MANBA: variants seen among roughly 807,000 people sequenced by gnomAD.
The protein encoded by MANBA is mannosidase beta.
Under a neutral mutation model 111.1 loss-of-function variants are expected in MANBA, and 83 were observed. The ratio of observed to expected loss-of-function variants is 0.75; its 90% CI spans 0.63 to 0.90. The LOEUF is 0.90. Ranked by LOEUF, MANBA falls within the 40% of genes least tolerant of loss-of-function variation. The pLI is 0.00. For missense variants in MANBA, 1,036 were observed against 1,069.0 expected, an observed-to-expected ratio of 0.97 and a Z score of 0.43; for synonymous variants, 370 against 378.7, an observed-to-expected ratio of 0.98 and a Z score of 0.27.
intron 5 of MANBA, among the ~76,000 whole-genome samples, chr4:102,697,130 G>A (rs1732751606): frequency 6.6e-6 from 1 of 152,080 alleles, no homozygotes; most frequent in Admixed American, 6.6e-5. Flanking sequence ...AAGCTCCAAA[G>A]AAGAAAATTT....
chr4:102,706,145 G>C (rs1009434167), intron 5 of MANBA, among the ~76,000 whole-genome samples: 1 of 152,282 alleles, frequency 6.6e-6, no homozygotes, highest in South Asian at 2.1e-4. Context: ...GGAGGCCCAA[G>C]ATTCATCATG....
intron 9 of MANBA, among the ~76,000 whole-genome samples, chr4:102,669,678 C>T (rs1329564453): frequency 6.6e-6 from 1 of 152,072 alleles, no homozygotes; most frequent in Non-Finnish European, 1.5e-5. Context: ...AACCCGGTCT[C>T]TACTAGAAAT....
chr4:102,701,809 AACTTTGGTGAATCTG>A (rs1244380321), intron 5 of MANBA, among the ~76,000 whole-genome samples: 2 of 151,000 alleles, frequency 1.3e-5, no homozygotes, highest in African/African-American at 4.9e-5. Context: ...CCTTCATTTC[AACTTTGGTGAATCTG>A]ACAATTATGT....
rs141048036 is a variant in MANBA at position 102,696,019 on chromosome 4, G to A, written c.674-5248C>T. Among the ~76,000 whole-genome samples the A allele has an allele frequency of 3.6e-3, 542 of 152,220 alleles. 6 individuals are homozygous for A. Among genetic ancestry groups the A allele is most frequent in the African/African-American group, 0.012 (500 of 41,526 alleles). The stretch of plus-strand genomic sequence containing the variant: ...GAGGCAGGAGGATCTCTTGAGCCCA[G>A]GTGTTTGAGACCAGCCTGGGCTACA... On this transcript the variant is annotated intron_variant, in intron 5 of 16. Coordinates refer to ENST00000647097, the MANE Select transcript of MANBA (RefSeq NM_005908.4).
rs111796893 is a variant in MANBA at position 102,746,624 on chromosome 4, T to G, written c.177+14094A>C. Reference sequence around the variant, plus strand: ...GAGTATCAGATGCATTTATTTTGCATAACTCTCTAAACAGTTCATGCCAAG... The same window carrying G: ...GAGTATCAGATGCATTTATTTTGCAGAACTCTCTAAACAGTTCATGCCAAG... On this transcript the variant is annotated intron_variant, in intron 1 of 16. Transcript: ENST00000647097. Among the ~76,000 whole-genome samples the G allele has an allele frequency of 1.9e-3, 283 of 152,334 alleles. 1 individual carries two copies. Among genetic ancestry groups the G allele is most frequent in the African/African-American group, 6.5e-3 (272 of 41,570 alleles).
At chr4:102,734,343 C>G in intron 1 of MANBA, 1 of 1,602,792 alleles carries the variant, frequency 6.2e-7, no homozygotes, top group South Asian at 1.1e-5. Context: ...CCTCAGGCAG[C>G]AAGCGACTTG....
At chr4:102,673,601 GTAATA>G (rs1270007374) in intron 8 of MANBA, among the ~76,000 whole-genome samples, 1 of 151,836 alleles carries the variant, frequency 6.6e-6, no homozygotes, top group Non-Finnish European at 1.5e-5. Flanking sequence ...ATAGTTGAAT[GTAATA>G]TTTTTTTCGG....
At chr4:102,748,885 C>A (rs57680284) in intron 1 of MANBA, among the ~76,000 whole-genome samples, 7 of 152,052 alleles carry the variant, frequency 4.6e-5, no homozygotes, top group Non-Finnish European at 7.4e-5. Flanking sequence ...TGCACTCCAG[C>A]CTGGGTGACA....
At chr4:102,712,330 C>G (rs1009250830) in intron 5 of MANBA, among the ~76,000 whole-genome samples, 1 of 152,106 alleles carries the variant, frequency 6.6e-6, no homozygotes, top group Non-Finnish European at 1.5e-5. Context: ...TCACTAGTGA[C>G]TAATAAAGTG....
Position 102,650,612 on chromosome 4 carries a change from C to T in MANBA, c.1794G>A (p.Gln598=). 8.1e-6 allele frequency: 13 copies of T among 1,613,396 alleles called. No individual in the cohort carries two copies. The highest frequency in any genetic ancestry group is 7.6e-6 in the Non-Finnish European group (9 of 1,179,394). The change falls in exon 13 of 17, where the codon CAG becomes CAA. Residue 598 remains glutamine, a synonymous_variant. Transcript: ENST00000647097. The stretch of plus-strand genomic sequence containing the variant: ...GGGGGAGTTTGAAATGAAGTCCAGC[C>T]TGATAAAGCATTTGTTTGTTACCAC... ...HEGGNKQMLY[Q]AGLHFKLPQS...
chr4:102,714,833 T>A (rs1390504265), intron 4 of MANBA, among the ~76,000 whole-genome samples: 4 of 152,220 alleles, frequency 2.6e-5, no homozygotes, highest in African/African-American at 9.6e-5. Context: ...GTGCTAGGCA[T>A]CCCTGGTGTC....
intron 5 of MANBA, among the ~76,000 whole-genome samples, chr4:102,702,333 G>C (rs1035833754): frequency 6.6e-6 from 1 of 151,794 alleles, no homozygotes; most frequent in Non-Finnish European, 1.5e-5. Flanking sequence ...TAGTTTGATC[G>C]CCTGAAGCCT....
At chr4:102,722,029 C>CAA (rs562110956) in intron 4 of MANBA, among the ~76,000 whole-genome samples, 16 of 87,112 alleles carry the variant, frequency 1.8e-4, no homozygotes, top group Admixed American at 2.6e-4. Context: ...GACCCAGTCT[C>CAA]AAAAAAAAAA....
At chr4:102,706,129 T>C (rs1403935419) in intron 5 of MANBA, among the ~76,000 whole-genome samples, 1 of 152,164 alleles carries the variant, frequency 6.6e-6, no homozygotes, top group Non-Finnish European at 1.5e-5. Flanking sequence ...AGCAGGCCAG[T>C]CACCTGGAGG....
At chr4:102,669,850 A>G (rs552878368) in intron 9 of MANBA, among the ~76,000 whole-genome samples, 81 of 152,178 alleles carry the variant, frequency 5.3e-4, no homozygotes, top group South Asian at 1.5e-3. Context: ...CAAGGTGGTG[A>G]GCGCCTGTGG....
At chr4:102,709,383 G>GAAGA (rs1191092702) in intron 5 of MANBA, among the ~76,000 whole-genome samples, 68 of 123,552 alleles carry the variant, frequency 5.5e-4, no homozygotes, top group African/African-American at 1.8e-3. Flanking sequence ...AGGAAGGAAG[G>GAAGA]AAGAAAGAAA....
intron 7 of MANBA, among the ~76,000 whole-genome samples, chr4:102,684,941 A>T (rs184142376): frequency 2.7e-3 from 407 of 152,326 alleles, no homozygotes; most frequent in Middle Eastern, 6.8e-3. Flanking sequence ...ACCACAGTTG[A>T]CCATGGGTAA....
intron 12 of MANBA, among the ~76,000 whole-genome samples, chr4:102,656,716 G>C (rs946708702): frequency 1.7e-4 from 26 of 152,218 alleles, no homozygotes; most frequent in African/African-American, 6.3e-4. Context: ...ACAAAACGTA[G>C]TGTATATCCA....
intron 1 of MANBA, among the ~76,000 whole-genome samples, chr4:102,748,184 TC>T (rs1217621010): frequency 1.3e-5 from 2 of 152,176 alleles, no homozygotes; most frequent in African/African-American, 2.4e-5. Flanking sequence ...TACCTGTGAG[TC>T]TTTGTGAAGC....
Sources: allele counts gnomAD v4.1 joint callset (sites outside exome capture counted in the v4.1 genomes callset), GRCh38; gene constraint gnomAD v4.1.1; transcripts MANE v1.5; gene names NCBI Gene and HGNC (gene_info 2026-07-23, HGNC 2026-07-21).